ATAD2B: variants seen among roughly 807,000 people sequenced by gnomAD.
ATAD2B encodes ATPase family AAA domain-containing protein 2B.
ATAD2B carries 40 observed loss-of-function variants against 167.6 expected under a neutral mutation model. That is an observed-to-expected ratio of 0.24 (90% CI 0.19 to 0.31). The LOEUF is 0.31. ATAD2B is among the 10% of genes least tolerant of loss of function. The pLI is 1.00. For missense variants in ATAD2B, 1,242 were observed against 1,757.2 expected (o/e 0.71, Z 5.24); for synonymous variants, 579 against 596.5 (o/e 0.97, Z 0.43).
At chr2:23,767,355 A>G (rs775532549) in intron 22 of ATAD2B, among the ~76,000 whole-genome samples, 2 of 152,200 alleles carry the variant, frequency 1.3e-5, no homozygotes, top group Non-Finnish European at 2.9e-5. Context: ...GGCCACATGC[A>G]TCAGGGATAA....
At chr2:23,868,725 G>A (rs1444170937) in intron 9 of ATAD2B, among the ~76,000 whole-genome samples, 4 of 151,374 alleles carry the variant, frequency 2.6e-5, no homozygotes, top group Non-Finnish European at 4.4e-5. Context: ...ACTACCTTAA[G>A]AGAGATCTCT....
intron 14 of ATAD2B, 111 bp downstream of exon 14, chr2:23,833,808 C>A: frequency 1.1e-6 from 1 of 872,642 alleles, no homozygotes; most frequent in Non-Finnish European, 1.7e-6. Flanking sequence ...CTAAGATATC[C>A]TTAAGCAGAA....
At chr2:23,820,538 A>G (rs1233845186) in intron 16 of ATAD2B, among the ~76,000 whole-genome samples, 1 of 152,242 alleles carries the variant, frequency 6.6e-6, no homozygotes, top group Non-Finnish European at 1.5e-5. Flanking sequence ...AGCTGTTGCT[A>G]TACTTCAAAC....
intron 23 of ATAD2B, among the ~76,000 whole-genome samples, chr2:23,763,807 G>A (rs1677057647): frequency 6.6e-6 from 1 of 152,074 alleles, no homozygotes; most frequent in South Asian, 2.1e-4. Context: ...GCCCAGGCTG[G>A]TCTCAAACTC....
intron 2 of ATAD2B, among the ~76,000 whole-genome samples, chr2:23,889,980 C>T (rs777341675): frequency 7.3e-5 from 11 of 150,894 alleles, no homozygotes; most frequent in Non-Finnish European, 1.2e-4. Context: ...TTTGGGAGGC[C>T]GAGGCGGGCA....
chr2:23,807,291 TAC>T (rs1684554098), intron 18 of ATAD2B, among the ~76,000 whole-genome samples: 1 of 29,466 alleles, frequency 3.4e-5, no homozygotes, highest in African/African-American at 9.1e-5. Context: ...TGCACACACA[TAC>T]ACACACTAGA....
chr2:23,836,013 C>T (rs1419649831), intron 13 of ATAD2B, among the ~76,000 whole-genome samples: 1 of 152,136 alleles, frequency 6.6e-6, no homozygotes, highest in Admixed American at 6.5e-5. Flanking sequence ...GGCTGGAAAC[C>T]TCTGTGGCTG....
chr2:23,808,202 TAA>T (rs1342410382), intron 18 of ATAD2B, among the ~76,000 whole-genome samples: 2 of 119,658 alleles, frequency 1.7e-5, no homozygotes, highest in African/African-American at 3.2e-5. Flanking sequence ...TATATTTATA[TAA>T]AAATATATAT....
intron 6 of ATAD2B, 58 bp from the exon 7 acceptor site, chr2:23,880,813 G>T: frequency 9.8e-7 from 1 of 1,022,372 alleles, no homozygotes; most frequent in Non-Finnish European, 1.5e-6. Flanking sequence ...CAAAAGGATT[G>T]GTCTACTCTA....
rs917490099 is a variant in ATAD2B, at chr2:23,749,172, A to T, written c.*2874T>A. On this transcript the variant is annotated 3_prime_UTR_variant, in exon 28 of 28. Transcript: ENST00000238789. ...AAAAATCAAGTCATGAAACAACATT[A>T]AAAAAAAAAAATCACAGGTGAGATT... is the stretch of plus-strand genomic sequence containing the variant. The T allele has an allele frequency of 1.5e-5, 2 of 134,580 alleles. No individual in the cohort carries two copies. The highest frequency in any genetic ancestry group is 3.3e-5 in the Non-Finnish European group (2 of 60,152). The allele number at this position is 134,580 out of a possible 1,614,324, so 8.3% of individuals were successfully genotyped here. A position where few individuals can be genotyped will look rare whatever the true frequency, so the allele number is the denominator to read the frequency against.
chr2:23,706,423 T>A, the ATAD2B span: 4 of 1,338,856 alleles, frequency 3.0e-6, no homozygotes, highest in Non-Finnish European at 3.9e-6. Flanking sequence ...TGAGAACCTA[T>A]CTCCAGGGCC....
intron 19 of ATAD2B, among the ~76,000 whole-genome samples, chr2:23,789,797 T>G (rs1455297053): frequency 6.6e-6 from 1 of 152,206 alleles, no homozygotes; most frequent in East Asian, 1.9e-4. Context: ...GAGGTAAGTA[T>G]TATTTCCTCA....
At chr2:23,693,342 C>T in the ATAD2B span, 1 of 1,551,516 alleles carries the variant, frequency 6.4e-7, no homozygotes, top group Non-Finnish European at 8.7e-7. Flanking sequence ...GCGAGCTCTA[C>T]CACATGGCCA....
In ATAD2B at chr2:23,855,311, C is replaced by T. The variant is rs557536367; in HGVS notation, c.1568+2104G>A. Among the ~76,000 whole-genome samples the T allele has an allele frequency of 9.2e-4, 140 of 151,828 alleles. 1 individual carries two copies. Among genetic ancestry groups the T allele is most frequent in the African/African-American group, 3.2e-3 (132 of 41,402 alleles). On this transcript the variant is annotated intron_variant, in intron 13 of 27. Coordinates refer to ENST00000238789, the MANE Select transcript of ATAD2B (RefSeq NM_017552.4). Reference sequence around the variant, plus strand: ...TCACAAATGAAAATATATAAACAGGCAATAAACACAAAGATGCTCAATATT... The same window carrying T: ...TCACAAATGAAAATATATAAACAGGTAATAAACACAAAGATGCTCAATATT...
intron 12 of ATAD2B, among the ~76,000 whole-genome samples, chr2:23,858,410 C>T (rs1033359288): frequency 2.0e-5 from 3 of 151,224 alleles, no homozygotes; most frequent in African/African-American, 4.9e-5. Context: ...CGTGAGCCAC[C>T]GCACTCAGCC....
chr2:23,880,070 A>AG (rs1244724566), intron 7 of ATAD2B, among the ~76,000 whole-genome samples: 1 of 151,924 alleles, frequency 6.6e-6, no homozygotes, highest in Non-Finnish European at 1.5e-5. Flanking sequence ...AAAAAAAAAA[A>AG]AAGAGAGAGA....
chr2:23,722,694 A>G, the ATAD2B span, among the ~76,000 whole-genome samples: 1 of 152,206 alleles, frequency 6.6e-6, no homozygotes, highest in Non-Finnish European at 1.5e-5. Context: ...AAGTCTTGGG[A>G]GAATGATGGA....
the ATAD2B span, chr2:23,706,721 G>A: frequency 1.4e-5 from 18 of 1,305,016 alleles, no homozygotes; most frequent in East Asian, 2.8e-5. Flanking sequence ...CAAGTGCCAC[G>A]CAATGATAAT....
intron 10 of ATAD2B, chr2:23,866,010 AG>A (rs1695073020): frequency 1.3e-6 from 1 of 742,086 alleles, no homozygotes; most frequent in Admixed American, 6.3e-5. Flanking sequence ...TTACTATGAT[AG>A]AAAAAGTGAA....
Sources: gnomAD v4.1 joint callset for allele counts (sites outside exome capture counted in the v4.1 genomes callset) on GRCh38, gnomAD v4.1.1 for gene constraint, MANE v1.5 for transcripts, NCBI Gene and HGNC (gene_info 2026-07-23, HGNC 2026-07-21) for gene names.